Variants in CSMD1 observed in about 807,000 individuals in gnomAD.
CSMD1 encodes the protein CUB and sushi domain-containing protein 1.
CSMD1 carries 213 observed loss-of-function variants against 417.5 expected under a neutral mutation model. The ratio of observed to expected loss-of-function variants is 0.51; its 90% CI spans 0.46 to 0.57. The LOEUF (loss-of-function observed/expected upper bound fraction) is 0.57. Ranked by LOEUF, CSMD1 falls within the 20% of genes least tolerant of loss-of-function variation. The pLI, the probability that CSMD1 is intolerant of heterozygous loss-of-function variation, is 0.00. For synonymous variants in CSMD1, 2,862 were observed against 1,736.8 expected, an observed-to-expected ratio of 1.65 and a Z score of -16.11; for missense variants, 6,923 against 4,529.7, an observed-to-expected ratio of 1.53 and a Z score of -15.17.
intron 26 of CSMD1, among the ~76,000 whole-genome samples, chr8:3,240,027 G>C (rs1173878902): frequency 1.3e-5 from 2 of 152,144 alleles, no homozygotes; most frequent in Non-Finnish European, 2.9e-5. Flanking sequence ...GAGAACTGTA[G>C]AGAGTGAGTT....
intron 2 of CSMD1, among the ~76,000 whole-genome samples, chr8:4,613,057 G>T (rs1052926319): frequency 6.6e-6 from 1 of 152,214 alleles, no homozygotes; most frequent in East Asian, 1.9e-4. Flanking sequence ...TTTGCATTTG[G>T]TGGCTGGTTT....
chr8:4,110,555 A>C (rs1801797671), intron 3 of CSMD1, among the ~76,000 whole-genome samples: 1 of 152,120 alleles, frequency 6.6e-6, no homozygotes, highest in Non-Finnish European at 1.5e-5. Context: ...ATTTTTAAAC[A>C]ATTTTCTGAC....
chr8:3,607,093 G>A (rs777005269), intron 8 of CSMD1, among the ~76,000 whole-genome samples: 1 of 152,130 alleles, frequency 6.6e-6, no homozygotes, highest in African/African-American at 2.4e-5. Flanking sequence ...CTGTACAAAA[G>A]TGTTTTTTCT....
chr8:3,755,067 T>C (rs2129054208), intron 5 of CSMD1, among the ~76,000 whole-genome samples: 1 of 152,364 alleles, frequency 6.6e-6, no homozygotes, highest in East Asian at 1.9e-4. Flanking sequence ...AACAATCATG[T>C]GTTTTATTTC....
At chr8:3,514,246 T>C (rs1247234661) in intron 10 of CSMD1, among the ~76,000 whole-genome samples, 1 of 152,192 alleles carries the variant, frequency 6.6e-6, no homozygotes, top group Non-Finnish European at 1.5e-5. Flanking sequence ...AGAGTCTCTT[T>C]CATTTTCTCA....
intron 1 of CSMD1, among the ~76,000 whole-genome samples, chr8:4,983,159 T>G (rs955326288): frequency 4.6e-5 from 7 of 152,236 alleles, no homozygotes; most frequent in South Asian, 2.1e-4. Context: ...CAAAATAATA[T>G]CTTGAATATA....
At chr8:3,681,977 T>G (rs939055756) in intron 7 of CSMD1, among the ~76,000 whole-genome samples, 1 of 152,178 alleles carries the variant, frequency 6.6e-6, no homozygotes, top group African/African-American at 2.4e-5. Flanking sequence ...CTGGGAAAAC[T>G]GGCTAGCCAT....
At chr8:4,256,557 T>C (rs917956249) in intron 3 of CSMD1, among the ~76,000 whole-genome samples, 5 of 152,154 alleles carry the variant, frequency 3.3e-5, no homozygotes, top group African/African-American at 1.2e-4. Context: ...CCATTTACTT[T>C]TATCTTTAAA....
At chr8:3,896,100 C>T (rs1242804702) in intron 5 of CSMD1, among the ~76,000 whole-genome samples, 1 of 152,156 alleles carries the variant, frequency 6.6e-6, no homozygotes, top group Admixed American at 6.6e-5. Flanking sequence ...ATGGTAACTT[C>T]CTGATGGGCC....
rs186256561 is a variant in CSMD1, at chr8:3,554,532, G to T, written c.1344+20413C>A. Among the ~76,000 whole-genome samples the T allele has an allele frequency of 5.5e-3, 830 of 152,252 alleles. 7 individuals carry two copies. Among genetic ancestry groups the T allele is most frequent in the Middle Eastern group, 0.01 (3 of 294 alleles). ...CATAAATGTGGAATTGAGATAATTG[G>T]TACCCCCAGCTCCTGCTCTGTTGGA... On this transcript the variant is annotated intron_variant, in intron 10 of 69. Transcript: ENST00000635120.
At chr8:4,429,799 C>G (rs1467563337) in intron 2 of CSMD1, among the ~76,000 whole-genome samples, 1 of 152,146 alleles carries the variant, frequency 6.6e-6, no homozygotes, top group East Asian at 1.9e-4. Flanking sequence ...TACCGGCAAT[C>G]CCCTCCCATC....
chr8:4,642,375 A>G (rs1181686851), intron 1 of CSMD1, among the ~76,000 whole-genome samples: 2 of 151,416 alleles, frequency 1.3e-5, no homozygotes. Flanking sequence ...TAACCCCTCC[A>G]CTCTGAACAC....
chr8:4,505,225 T>C (rs1220455383), intron 2 of CSMD1, among the ~76,000 whole-genome samples: 1 of 152,198 alleles, frequency 6.6e-6, no homozygotes, highest in African/African-American at 2.4e-5. Context: ...TCTTGATTTG[T>C]AGAGAAAGTT....
At chr8:3,193,892 G>A (rs1191266848) in intron 33 of CSMD1, among the ~76,000 whole-genome samples, 2 of 152,288 alleles carry the variant, frequency 1.3e-5, no homozygotes, top group South Asian at 4.1e-4. Context: ...ACAGATACAT[G>A]CTGCTCCTTT....
chr8:3,581,292 C>T (rs533809841), intron 9 of CSMD1, among the ~76,000 whole-genome samples: 79 of 152,246 alleles, frequency 5.2e-4, no homozygotes, highest in African/African-American at 1.9e-3. Flanking sequence ...AATGTCTTAC[C>T]CTGCAAAAAA....
intron 5 of CSMD1, among the ~76,000 whole-genome samples, chr8:3,927,243 C>G (rs1428129774): frequency 2.0e-5 from 3 of 151,794 alleles, no homozygotes; most frequent in Admixed American, 1.3e-4. Context: ...ATTATTCCAA[C>G]AATTACAAAT....
chr8:4,165,359 G>C (rs1258186948), intron 3 of CSMD1, among the ~76,000 whole-genome samples: 3 of 152,208 alleles, frequency 2.0e-5, no homozygotes, highest in Non-Finnish European at 4.4e-5. Flanking sequence ...AATTCCTTAG[G>C]ACTCTAAAAC....
At chr8:3,732,966 CCTAT>C (rs1563321565) in intron 6 of CSMD1, among the ~76,000 whole-genome samples, 1 of 152,022 alleles carries the variant, frequency 6.6e-6, no homozygotes, top group African/African-American at 2.4e-5. Context: ...TACCTACCTA[CCTAT>C]CTACCAACCT....
At chr8:3,623,585 A>G (rs768584245) in intron 7 of CSMD1, among the ~76,000 whole-genome samples, 1 of 152,228 alleles carries the variant, frequency 6.6e-6, no homozygotes, top group African/African-American at 2.4e-5. Context: ...AGTATCATTT[A>G]CATATGTTTT....
Sources: allele counts gnomAD v4.1 joint callset (sites outside exome capture counted in the v4.1 genomes callset), GRCh38; gene constraint gnomAD v4.1.1; transcripts MANE v1.5; gene names NCBI Gene and HGNC (gene_info 2026-07-23, HGNC 2026-07-21).